Variants in LDB2 observed in about 807,000 individuals in gnomAD.
LDB2 encodes LIM domain-binding protein 2.
Under a neutral mutation model 44.3 loss-of-function variants are expected in LDB2, and 12 were observed. That is an observed-to-expected ratio of 0.27 (90% CI 0.17 to 0.44). The LOEUF (loss-of-function observed/expected upper bound fraction) is 0.44, where lower values mean the gene tolerates loss of function less well. LDB2 is among the 20% of genes least tolerant of loss of function. The pLI, the probability that LDB2 is intolerant of heterozygous loss-of-function variation, is 1.00. For synonymous variants in LDB2, 164 were observed against 174.8 expected (o/e 0.94, Z 0.49); for missense variants, 344 against 473.5 (o/e 0.73, Z 2.54).
At chr4:16,897,668 G>A (rs1003019939) in intron 1 of LDB2, among the ~76,000 whole-genome samples, 4 of 151,908 alleles carry the variant, frequency 2.6e-5, no homozygotes, top group African/African-American at 7.3e-5. Context: ...CTAAGGTAGA[G>A]TGATAGGGGG....
intron 3 of LDB2, among the ~76,000 whole-genome samples, chr4:16,590,543 T>G (rs921914943): frequency 6.6e-6 from 1 of 152,206 alleles, no homozygotes; most frequent in African/African-American, 2.4e-5. Context: ...TTCCATGCGC[T>G]CTAACTGAAG....
intron 2 of LDB2, among the ~76,000 whole-genome samples, chr4:16,620,009 T>A (rs914652279): frequency 6.6e-6 from 1 of 152,230 alleles, no homozygotes; most frequent in Non-Finnish European, 1.5e-5. Flanking sequence ...GCAGCTAGTG[T>A]AGGAGGATCT....
chr4:16,724,291 T>C (rs1261150242), intron 2 of LDB2, among the ~76,000 whole-genome samples: 2 of 151,828 alleles, frequency 1.3e-5, no homozygotes, highest in Non-Finnish European at 2.9e-5. Flanking sequence ...GTATCTGTGT[T>C]CTATTACTAA....
intron 1 of LDB2, among the ~76,000 whole-genome samples, chr4:16,884,025 T>A (rs1241547437): frequency 6.6e-6 from 1 of 152,232 alleles, no homozygotes; most frequent in Non-Finnish European, 1.5e-5. Flanking sequence ...TCCACTGATT[T>A]CTTCCTCTCA....
At chr4:16,520,813 T>C (rs1479414957) in intron 5 of LDB2, among the ~76,000 whole-genome samples, 3 of 152,158 alleles carry the variant, frequency 2.0e-5, no homozygotes, top group Admixed American at 6.5e-5. Flanking sequence ...GGCAGCCCTG[T>C]CAGACTAGCC....
intron 1 of LDB2, among the ~76,000 whole-genome samples, chr4:16,821,746 C>CAAAAAAAACAAAAAAAA (rs1782084914): frequency 1.6e-5 from 1 of 61,752 alleles, no homozygotes; most frequent in East Asian, 5.5e-4. Flanking sequence ...AACATTAAAG[C>CAAAAAAAACAAAAAAAA]AAAAAAAAAA....
In LDB2 at chr4:16,573,216, T is replaced by G. The variant is rs191444148; in HGVS notation, c.615+12706A>C. ...GTGCATATAGTTCCTAATATATATA[T>G]AGAGGGAACTAATGGTATTATGATA... On this transcript the variant is annotated intron_variant, in intron 5 of 7. Coordinates refer to ENST00000304523, the MANE Select transcript of LDB2 (RefSeq NM_001290.5). Among the ~76,000 whole-genome samples the G allele has an allele frequency of 7.9e-5, 12 of 152,298 alleles. No individual in the cohort carries two copies. The East Asian group carries it at 1.7e-3, about 22-fold the overall frequency.
intron 1 of LDB2, among the ~76,000 whole-genome samples, chr4:16,834,702 G>C (rs1019146035): frequency 3.3e-5 from 5 of 151,962 alleles, no homozygotes; most frequent in Non-Finnish European, 4.4e-5. Context: ...TGGTGTGTGC[G>C]TGTAATCCCC....
chr4:16,538,875 A>G (rs1231940160), intron 5 of LDB2, among the ~76,000 whole-genome samples: 2 of 152,128 alleles, frequency 1.3e-5, no homozygotes, highest in African/African-American at 4.8e-5. Context: ...TGCTTTCCTC[A>G]TGTTACAGAT....
intron 2 of LDB2, among the ~76,000 whole-genome samples, chr4:16,666,123 G>T (rs1228574481): frequency 6.6e-6 from 1 of 152,188 alleles, no homozygotes; most frequent in African/African-American, 2.4e-5. Context: ...GTGGTACTTT[G>T]TTATAGCTGC....
At chr4:16,603,740 CAAATT>C (rs1037270135) in intron 2 of LDB2, among the ~76,000 whole-genome samples, 12 of 152,082 alleles carry the variant, frequency 7.9e-5, no homozygotes, top group African/African-American at 2.4e-4. Context: ...GAAATTGATT[CAAATT>C]AAATTAAATG....
chr4:16,642,200 A>G (rs1451237754), intron 2 of LDB2, among the ~76,000 whole-genome samples: 1 of 152,198 alleles, frequency 6.6e-6, no homozygotes, highest in Non-Finnish European at 1.5e-5. Flanking sequence ...GCAGTCCTAG[A>G]TAATATGGGA....
intron 2 of LDB2, among the ~76,000 whole-genome samples, chr4:16,687,060 G>T (rs1189532506): frequency 6.7e-6 from 1 of 148,988 alleles, no homozygotes; most frequent in African/African-American, 2.5e-5. Context: ...GAAATATGGG[G>T]TGAAAAAAAT....
intron 5 of LDB2, 155 bp from the exon 6 acceptor site, chr4:16,512,259 T>C: frequency 1.5e-6 from 1 of 687,154 alleles, no homozygotes; most frequent in Non-Finnish European, 2.3e-6. Flanking sequence ...AAATAAATAT[T>C]ACAAAAACTT....
rs567544707 is a variant in LDB2, at chr4:16,785,604, T to C, written c.133-26344A>G. Among the ~76,000 whole-genome samples the C allele has an allele frequency of 2.0e-5, 3 of 152,302 alleles. No homozygotes were observed. The South Asian group carries it at 6.2e-4, about 32-fold the overall frequency. The stretch of plus-strand genomic sequence containing the variant: ...ACAATGTTCTGTAATGTTTCTGTGA[T>C]AATAAGCTCTAGTCAAGCATGAGAA... On this transcript the variant is annotated intron_variant, in intron 1 of 7. Transcript: ENST00000304523.
intron 6 of LDB2, among the ~76,000 whole-genome samples, chr4:16,510,606 G>A (rs1382418866): frequency 6.6e-6 from 1 of 152,118 alleles, no homozygotes. Context: ...GGCTGTGGTA[G>A]TAAAATAATA....
chr4:16,744,193 G>A (rs1055301537), intron 2 of LDB2, among the ~76,000 whole-genome samples: 1 of 152,202 alleles, frequency 6.6e-6, no homozygotes, highest in Non-Finnish European at 1.5e-5. Flanking sequence ...GTCTCACTCT[G>A]TCACCCAGGC....
At chr4:16,681,575 A>AT (rs1747877955) in intron 2 of LDB2, among the ~76,000 whole-genome samples, 1 of 136,942 alleles carries the variant, frequency 7.3e-6, no homozygotes, top group South Asian at 2.2e-4. Context: ...GAATTCAATC[A>AT]TTTTGTTGTA....
At chr4:16,779,051 C>T (rs893098216) in intron 1 of LDB2, among the ~76,000 whole-genome samples, 5 of 152,156 alleles carry the variant, frequency 3.3e-5, no homozygotes, top group Non-Finnish European at 5.9e-5. Flanking sequence ...CCTCACTTTA[C>T]TTCTCTCTTG....
Sources: allele counts gnomAD v4.1 joint callset (sites outside exome capture counted in the v4.1 genomes callset), GRCh38; gene constraint gnomAD v4.1.1; transcripts MANE v1.5; gene names NCBI Gene and HGNC (gene_info 2026-07-23, HGNC 2026-07-21).